CELF2: variants seen among roughly 807,000 people sequenced by gnomAD.
The protein encoded by CELF2 is CUGBP Elav-like family member 2.
In CELF2, 8 loss-of-function variants were observed where a neutral mutation model predicts 62.6. That is an observed-to-expected ratio of 0.13 (90% CI 0.07 to 0.23). CELF2 has a LOEUF of 0.23. Among genes scored for constraint, CELF2 ranks in the 10% least tolerant of loss-of-function variants. The pLI, the probability that CELF2 is intolerant of heterozygous loss-of-function variation, is 1.00. For missense variants in CELF2, 333 were observed against 671.0 expected (o/e 0.50, Z 5.56); for synonymous variants, 258 against 250.0 (o/e 1.03, Z -0.30).
At chr10:10,590,221 A>C in the CELF2 span, among the ~76,000 whole-genome samples, 1 of 152,246 alleles carries the variant, frequency 6.6e-6, no homozygotes, top group African/African-American at 2.4e-5. Flanking sequence ...AGAGATGGGA[A>C]GAAACATCAT....
chr10:10,977,193 T>C (rs1247802247), intron 2 of CELF2, among the ~76,000 whole-genome samples: 1 of 152,206 alleles, frequency 6.6e-6, no homozygotes, highest in Non-Finnish European at 1.5e-5. Flanking sequence ...GGATTCTTCC[T>C]GAAATTGTTT....
At chr10:10,640,805 C>A in the CELF2 span, among the ~76,000 whole-genome samples, 18 of 152,140 alleles carry the variant, frequency 1.2e-4, no homozygotes, top group African/African-American at 4.1e-4. Context: ...ATGACAAAAT[C>A]CTTGGTTTTA....
intron 2 of CELF2, among the ~76,000 whole-genome samples, chr10:10,935,997 C>CA (rs776115220): frequency 0.15 from 19,602 of 129,740 alleles, 4,450 homozygotes; most frequent in African/African-American, 0.49. Flanking sequence ...ACTAAAAATA[C>CA]AAAAAAAAAA....
chr10:11,221,627 T>C (rs961817133), intron 3 of CELF2, among the ~76,000 whole-genome samples: 11 of 152,238 alleles, frequency 7.2e-5, no homozygotes, highest in Admixed American at 7.2e-4. Context: ...ATTAATTTAA[T>C]TAAGGATGTA....
chr10:11,029,799 C>G (rs2059815132), intron 1 of CELF2, among the ~76,000 whole-genome samples: 1 of 152,224 alleles, frequency 6.6e-6, no homozygotes, highest in African/African-American at 2.4e-5. Context: ...GTAATTAGCA[C>G]TTTTTCTCTT....
the CELF2 span, among the ~76,000 whole-genome samples, chr10:10,767,935 G>T: frequency 3.2e-5 from 4 of 123,678 alleles, no homozygotes; most frequent in African/African-American, 6.5e-5. Context: ...GGCGGAGCTT[G>T]CAGTGAGCCG....
chr10:10,816,232 G>A (rs1294394024), intron 1 of CELF2, among the ~76,000 whole-genome samples: 1 of 152,072 alleles, frequency 6.6e-6, no homozygotes, highest in Non-Finnish European at 1.5e-5. Context: ...GGCTGAAGAG[G>A]CCCTGTGTTT....
At chr10:10,816,187 T>C (rs1414910081) in intron 1 of CELF2, among the ~76,000 whole-genome samples, 3 of 152,138 alleles carry the variant, frequency 2.0e-5, no homozygotes, top group African/African-American at 7.2e-5. Context: ...TAAAGACAGT[T>C]CAGACAAGAG....
intron 9 of CELF2, among the ~76,000 whole-genome samples, 182 bp downstream of exon 9, chr10:11,288,734 T>A (rs2091947851): frequency 6.6e-6 from 1 of 152,222 alleles, no homozygotes; most frequent in Non-Finnish European, 1.5e-5. Context: ...CGAATTTGTC[T>A]TTTATTTTCC....
At chr10:11,310,687 G>T (rs141994733) in intron 9 of CELF2, among the ~76,000 whole-genome samples, 1 of 151,730 alleles carries the variant, frequency 6.6e-6, no homozygotes, top group East Asian at 1.9e-4. Flanking sequence ...ACTTACTAGC[G>T]CAGCAATCTG....
rs1277355901 is a variant in CELF2 at position 10,983,711 on chromosome 10, G to A, written c.89+63712G>A. ...GCCTCCCAAGTAACTGAGATTATAGGCACTTGCCACCACGCCTGGCTAATT... is the reference window on the plus strand; with the variant it reads ...GCCTCCCAAGTAACTGAGATTATAGACACTTGCCACCACGCCTGGCTAATT... On this transcript the variant is annotated intron_variant, in intron 2 of 13. Transcript: ENST00000636488. The surrounding 1 kb of genome is among the most constrained non-coding windows in gnomAD (Gnocchi z 5.2). Among the ~76,000 whole-genome samples, 1 of 152,126 alleles carries A rather than the reference G, an allele frequency of 6.6e-6. No individual in the cohort carries two copies. Among genetic ancestry groups the A allele is most frequent in the Admixed American group, 6.5e-5 (1 of 15,280 alleles).
the CELF2 span, among the ~76,000 whole-genome samples, chr10:10,756,921 A>C: frequency 6.6e-6 from 1 of 152,178 alleles, no homozygotes; most frequent in East Asian, 1.9e-4. Context: ...AGGCAGGCAG[A>C]TCATGAGGTC....
chr10:11,205,617 C>G (rs1284858211), intron 2 of CELF2, among the ~76,000 whole-genome samples: 1 of 152,184 alleles, frequency 6.6e-6, no homozygotes, highest in African/African-American at 2.4e-5. Flanking sequence ...CTGTACCAGC[C>G]TCACTGCAAG....
At position 10,957,232 on chromosome 10, in the gene CELF2, A is replaced by G. The variant is rs2049000495; in HGVS notation, c.89+37233A>G. Among the ~76,000 whole-genome samples, 1 of 152,238 alleles carries G rather than the reference A, an allele frequency of 6.6e-6. No homozygotes were observed. The highest frequency in any genetic ancestry group is 1.5e-5 in the Non-Finnish European group (1 of 68,040). On this transcript the variant is annotated intron_variant, in intron 2 of 13. Transcript: ENST00000636488. This position sits in a 1 kb window ranked among gnomAD's most constrained non-coding sequence, Gnocchi z 4.1. ...AACCAGTTTCCCACTAATTCACTCA[A>G]ACCGATTTATGTATTTAGATATGAC...
rs1392760178 is a variant in CELF2 at position 11,110,996 on chromosome 10, A to G, written c.75-54490A>G. Among the ~76,000 whole-genome samples the G allele has an allele frequency of 6.6e-6, 1 of 152,218 alleles. No homozygotes were observed. The highest frequency in any genetic ancestry group is 1.5e-5 in the Non-Finnish European group (1 of 68,040). ...AGGGTTATAAGGTTGGAAGATAATC[A>G]GCTCAGCCTCTCCCACTCTGAGTAC... On this transcript the variant is annotated intron_variant, in intron 1 of 12. Transcript: ENST00000633077. This position sits in a 1 kb window ranked among gnomAD's most constrained non-coding sequence, Gnocchi z 4.0.
the CELF2 span, among the ~76,000 whole-genome samples, chr10:10,598,901 C>T: frequency 1.3e-5 from 2 of 151,270 alleles, no homozygotes; most frequent in Non-Finnish European, 2.9e-5. Context: ...TACAGGCATG[C>T]ACCACCACGC....
intron 2 of CELF2, among the ~76,000 whole-genome samples, chr10:10,982,823 C>T (rs574205031): frequency 6.6e-6 from 1 of 152,190 alleles, no homozygotes; most frequent in African/African-American, 2.4e-5. Flanking sequence ...CCATAACTAC[C>T]CTCAAATCTT....
chr10:10,900,503 C>G (rs2062859843), intron 1 of CELF2, among the ~76,000 whole-genome samples: 1 of 151,994 alleles, frequency 6.6e-6, no homozygotes, highest in African/African-American at 2.4e-5. Context: ...TGACAAAACT[C>G]TACATTCATT....
At chr10:11,136,816 AT>A (rs1439285764) in intron 1 of CELF2, among the ~76,000 whole-genome samples, 1 of 152,122 alleles carries the variant, frequency 6.6e-6, no homozygotes, top group East Asian at 1.9e-4. Flanking sequence ...AATATTTATA[AT>A]TTAAACATCA....
Sources: gnomAD v4.1 joint callset for allele counts (sites outside exome capture counted in the v4.1 genomes callset) on GRCh38, gnomAD v4.1.1 for gene constraint, Gnocchi (gnomAD v3.1) non-coding constraint, MANE v1.5 for transcripts, NCBI Gene and HGNC (gene_info 2026-07-23, HGNC 2026-07-21) for gene names.